Variants in PHTF2 observed in about 807,000 individuals in gnomAD.
The protein encoded by PHTF2 is protein PHTF2.
Under a neutral mutation model 101.2 loss-of-function variants are expected in PHTF2, and 60 were observed. That is an observed-to-expected ratio of 0.59 (90% CI 0.48 to 0.73). PHTF2 has a LOEUF of 0.73. Ranked by LOEUF, PHTF2 falls within the 30% of genes least tolerant of loss-of-function variation. PHTF2 has a pLI of 0.00. For synonymous variants in PHTF2, 311 were observed against 307.3 expected (o/e 1.01, Z -0.13); for missense variants, 747 against 908.7 (o/e 0.82, Z 2.29).
intron 5 of PHTF2, among the ~76,000 whole-genome samples, chr7:77,897,593 T>C (rs1411065633): frequency 6.6e-6 from 1 of 152,196 alleles, no homozygotes; most frequent in Non-Finnish European, 1.5e-5. Flanking sequence ...TTGATAGTAC[T>C]GAAAGCTATG....
At chr7:77,915,354 G>T (rs1802810607) in intron 9 of PHTF2, among the ~76,000 whole-genome samples, 1 of 152,108 alleles carries the variant, frequency 6.6e-6, no homozygotes, top group Non-Finnish European at 1.5e-5. Flanking sequence ...AAGTAGCTGG[G>T]ACTACAGGTC....
chr7:77,950,511 A>C (rs1459191000), intron 17 of PHTF2, among the ~76,000 whole-genome samples: 1 of 152,138 alleles, frequency 6.6e-6, no homozygotes, highest in East Asian at 1.9e-4. Context: ...AAATACAAAA[A>C]TTAGCCAGGT....
chr7:77,920,366 C>A, exon 10 of PHTF2: 1 of 1,609,972 alleles, frequency 6.2e-7, no homozygotes, highest in Non-Finnish European at 8.5e-7. Context: ...CTGTTAAAAG[C>A]GGTGAAGATG....
intron 3 of PHTF2, among the ~76,000 whole-genome samples, chr7:77,864,864 G>C (rs12530846): frequency 0.022 from 3,360 of 151,958 alleles, 54 homozygotes; most frequent in Middle Eastern, 0.068. Context: ...TCACCACTGT[G>C]TTGCTTGTTT....
chr7:77,957,492 T>C (rs1277988668), exon 20 of PHTF2: 1 of 153,012 alleles, frequency 6.5e-6, no homozygotes, highest in Middle Eastern at 3.4e-3. Context: ...TTAAAGCTCA[T>C]TGTGAAAAGA....
chr7:77,865,256 C>T (rs927193226), intron 3 of PHTF2, among the ~76,000 whole-genome samples: 2 of 151,620 alleles, frequency 1.3e-5, no homozygotes, highest in African/African-American at 2.4e-5. Context: ...GACAGAGTCT[C>T]GCTCTGTTGC....
intron 3 of PHTF2, among the ~76,000 whole-genome samples, chr7:77,878,315 T>C (rs1799117769): frequency 6.6e-6 from 1 of 151,870 alleles, no homozygotes; most frequent in Admixed American, 6.6e-5. Flanking sequence ...GCACTGTCAG[T>C]CCCTGGGTGG....
chr7:77,815,993 G>A (rs1364895546), intron 1 of PHTF2, among the ~76,000 whole-genome samples: 5 of 151,986 alleles, frequency 3.3e-5, no homozygotes, highest in Non-Finnish European at 7.4e-5. Context: ...ATATTGTAAG[G>A]TAGTAAAGTT....
At chr7:77,809,234 T>TG (rs1793232603) in intron 1 of PHTF2, among the ~76,000 whole-genome samples, 1 of 147,192 alleles carries the variant, frequency 6.8e-6, no homozygotes, top group African/African-American at 2.6e-5. Context: ...GTTTTTTTTT[T>TG]TTTTTTTTTT....
intron 1 of PHTF2, among the ~76,000 whole-genome samples, chr7:77,834,740 C>G (rs1424644527): frequency 6.6e-6 from 1 of 152,178 alleles, no homozygotes; most frequent in Admixed American, 6.5e-5. Flanking sequence ...GGATCTAGAA[C>G]CCAATTATCT....
chr7:77,851,576 C>T (rs143179664), intron 2 of PHTF2, among the ~76,000 whole-genome samples: 163 of 147,256 alleles, frequency 1.1e-3, no homozygotes, highest in African/African-American at 3.9e-3. Flanking sequence ...TTTTTGGTTT[C>T]GATTTCATTT....
At chr7:77,847,741 A>G (rs1796417464) in intron 2 of PHTF2, among the ~76,000 whole-genome samples, 1 of 152,174 alleles carries the variant, frequency 6.6e-6, no homozygotes, top group Non-Finnish European at 1.5e-5. Context: ...GTTATTTTAA[A>G]TTGTAGAGTA....
Position 77,809,309 on chromosome 7 carries a change from C to G in PHTF2, c.-36+10338C>G, listed in dbSNP as rs915760710. Among the ~76,000 whole-genome samples, 4 of 148,008 alleles carry G rather than the reference C, an allele frequency of 2.7e-5. No homozygotes were observed. In the Admixed American group the frequency reaches 2.7e-4, roughly 10 times the overall value. The stretch of plus-strand genomic sequence containing the variant: ...TGGAGCGATCTTGGCTCACTGCAAC[C>G]TCCGCCTCCCGGCTTCAAATGATTC... On this transcript the variant is annotated intron_variant, in intron 1 of 19. Coordinates refer to ENST00000416283, the Ensembl canonical transcript of PHTF2.
chr7:77,915,422 A>G (rs1260040782), intron 9 of PHTF2, among the ~76,000 whole-genome samples: 1 of 151,900 alleles, frequency 6.6e-6, no homozygotes, highest in Non-Finnish European at 1.5e-5. Context: ...CATGTTGGCC[A>G]GGATGGTCTC....
intron 9 of PHTF2, among the ~76,000 whole-genome samples, chr7:77,915,005 G>A (rs1006700235): frequency 4.0e-5 from 6 of 151,848 alleles, no homozygotes; most frequent in Admixed American, 1.3e-4. Context: ...TCCGCCTCCC[G>A]GGTTCAAGTG....
chr7:77,847,774 C>T (rs1796420667), intron 2 of PHTF2, among the ~76,000 whole-genome samples: 1 of 151,994 alleles, frequency 6.6e-6, no homozygotes, highest in Non-Finnish European at 1.5e-5. Flanking sequence ...CTGTAGTCAC[C>T]CTGTTATGCT....
At chr7:77,947,036 C>T (rs1806105979) in intron 16 of PHTF2, among the ~76,000 whole-genome samples, 1 of 151,656 alleles carries the variant, frequency 6.6e-6, no homozygotes, top group African/African-American at 2.4e-5. Flanking sequence ...GAGAAGATCA[C>T]CCGAGCCTTG....
intron 1 of PHTF2, among the ~76,000 whole-genome samples, chr7:77,815,328 A>C (rs1364898531): frequency 6.6e-6 from 1 of 152,290 alleles, no homozygotes; most frequent in East Asian, 1.9e-4. Context: ...GCAGATTTGC[A>C]TACGAAATCT....
At chr7:77,860,222 GT>G (rs768838409) in intron 3 of PHTF2, among the ~76,000 whole-genome samples, 11 of 152,148 alleles carry the variant, frequency 7.2e-5, no homozygotes, top group Non-Finnish European at 8.8e-5. Context: ...TTAATCTGTT[GT>G]TTTTGTTATA....
Sources: allele counts gnomAD v4.1 joint callset (sites outside exome capture counted in the v4.1 genomes callset), GRCh38; gene constraint gnomAD v4.1.1; transcripts MANE v1.5; gene names NCBI Gene and HGNC (gene_info 2026-07-23, HGNC 2026-07-21).